Variants in PRKAR1A observed in about 807,000 individuals in gnomAD.
PRKAR1A encodes protein kinase cAMP-dependent type I regulatory subunit alpha, also known as cAMP-dependent protein kinase type I-alpha regulatory subunit.
PRKAR1A carries 3 observed loss-of-function variants against 52.0 expected under a neutral mutation model. That is an observed-to-expected ratio of 0.06 (90% CI 0.03 to 0.15). The LOEUF (loss-of-function observed/expected upper bound fraction) is 0.15, where lower values mean the gene tolerates loss of function less well. Among genes scored for constraint, PRKAR1A ranks in the 10% least tolerant of loss-of-function variants. PRKAR1A has a pLI of 1.00. For synonymous variants in PRKAR1A, 188 were observed against 168.4 expected (o/e 1.12, Z -0.90); for missense variants, 240 against 477.4 (o/e 0.50, Z 4.63).
intron 11 of PRKAR1A, among the ~76,000 whole-genome samples, chr17:68,544,958 G>T (rs890912215): frequency 3.9e-5 from 6 of 152,170 alleles, no homozygotes; most frequent in African/African-American, 1.4e-4. Flanking sequence ...ACTTTGAGAA[G>T]CACTAATGCA....
chr17:68,530,446 C>T lies in PRKAR1A; in HGVS notation c.1143C>T (p.Val381=). ...QQYNSFVSLS[V] is the part of the protein sequence containing the mutation. ...ACAACAGTTTTGTGTCACTGTCTGT[C>T]TGAAATCTGCCTCCTGTGCCTCCCT... Residue 381 remains valine, a synonymous_variant, in exon 11 of 11, where the codon GTC becomes GTT. Coordinates refer to ENST00000589228, the MANE Select transcript of PRKAR1A (RefSeq NM_002734.5). 2 of 1,614,104 alleles carry T rather than the reference C, an allele frequency of 1.2e-6. No homozygotes were observed. Among genetic ancestry groups the T allele is most frequent in the Non-Finnish European group, 1.7e-6 (2 of 1,179,952 alleles).
At chr17:68,483,283 C>T in the PRKAR1A span, among the ~76,000 whole-genome samples, 1 of 151,958 alleles carries the variant, frequency 6.6e-6, no homozygotes, top group African/African-American at 2.4e-5. Context: ...GTGTTCAAGA[C>T]CACCCTGGCC....
the PRKAR1A span, chr17:68,420,401 G>A: frequency 4.3e-6 from 7 of 1,613,988 alleles, no homozygotes; most frequent in Non-Finnish European, 5.9e-6. Flanking sequence ...TTACACTCAG[G>A]ACCCTTCAGT....
At chr17:68,496,998 A>G in the PRKAR1A span, among the ~76,000 whole-genome samples, 2 of 151,518 alleles carry the variant, frequency 1.3e-5, no homozygotes, top group Non-Finnish European at 2.9e-5. Context: ...CCATTTTTGT[A>G]TTTTTTGTGG....
At chr17:68,524,160 T>C (rs982218837) in intron 5 of PRKAR1A, 83 bp downstream of exon 5, 12 of 1,434,518 alleles carry the variant, frequency 8.4e-6, no homozygotes, top group Non-Finnish European at 1.2e-5. Context: ...TTATTGAAGT[T>C]TGTTTTCCTC....
the PRKAR1A span, among the ~76,000 whole-genome samples, chr17:68,476,124 A>G: frequency 2.2e-4 from 33 of 151,994 alleles, no homozygotes; most frequent in Non-Finnish European, 3.7e-4. Context: ...GTCTACTATA[A>G]TATAATATTT....
chr17:68,506,999 G>A (rs866379518), upstream of PRKAR1A, among the ~76,000 whole-genome samples: 1 of 152,102 alleles, frequency 6.6e-6, no homozygotes, highest in Non-Finnish European at 1.5e-5. Flanking sequence ...TTATTTCCTG[G>A]GGAGAAAGCC....
chr17:68,548,833 C>T (rs934933659), intron 11 of PRKAR1A, among the ~76,000 whole-genome samples: 3 of 148,148 alleles, frequency 2.0e-5, no homozygotes, highest in Non-Finnish European at 4.5e-5. Context: ...CCCGGGTTCA[C>T]GCCATTCTCC....
downstream of PRKAR1A, chr17:68,536,197 G>C (rs1477692465): frequency 6.6e-6 from 3 of 453,944 alleles, no homozygotes; most frequent in Admixed American, 2.3e-5. Context: ...AGACATTTCT[G>C]GTTCTTGACC....
At chr17:68,414,836 C>A in the PRKAR1A span, among the ~76,000 whole-genome samples, 1 of 152,044 alleles carries the variant, frequency 6.6e-6, no homozygotes, top group African/African-American at 2.4e-5. Flanking sequence ...TTCATAGTAG[C>A]CTTGAATGAT....
chr17:68,543,854 G>A (rs749161341), intron 11 of PRKAR1A: 6 of 781,802 alleles, frequency 7.7e-6, no homozygotes, highest in East Asian at 2.6e-5. Flanking sequence ...GCGATGGCAC[G>A]GCAAGTCAGG....
rs1491044139 is a variant in PRKAR1A at position 68,525,261 on chromosome 17, AGC to A, written c.549+304_549+305del. On this transcript the variant is annotated intron_variant, in intron 6 of 10. Coordinates refer to ENST00000589228, the MANE Select transcript of PRKAR1A (RefSeq NM_002734.5). ...TGCTTGAGCCCAGGAGTTCAAGACC[AGC>A]CTGGGCAACAAAGTGAAACCTCATC... Among the ~76,000 whole-genome samples the A allele has an allele frequency of 2.2e-4, 34 of 151,234 alleles. 1 individual carries two copies. The East Asian group carries it at 6.2e-3, about 28-fold the overall frequency.
At chr17:68,516,413 G>T (rs766911712) in intron 2 of PRKAR1A, among the ~76,000 whole-genome samples, 50 of 151,998 alleles carry the variant, frequency 3.3e-4, no homozygotes, top group Admixed American at 1.1e-3. Flanking sequence ...TGATTTTCTT[G>T]TGCATGTGGA....
intron 1 of PRKAR1A, among the ~76,000 whole-genome samples, chr17:68,513,926 C>A (rs890258786): frequency 6.6e-6 from 1 of 152,144 alleles, no homozygotes; most frequent in Admixed American, 6.6e-5. Context: ...CATGAAAGAT[C>A]TGATTTATGA....
At position 68,533,136 on chromosome 17, in the gene PRKAR1A, T is replaced by C. The variant is rs889635034; in HGVS notation, c.*2687T>C. 1 of 1,060,246 alleles carries C rather than the reference T, an allele frequency of 9.4e-7. No homozygotes were observed. Among genetic ancestry groups the C allele is most frequent in the African/African-American group, 1.6e-5 (1 of 60,914 alleles). The allele number at this position is 1,060,246 out of a possible 1,614,324, so 65.7% of individuals were successfully genotyped here. A position where few individuals can be genotyped will look rare whatever the true frequency, so the allele number is the denominator to read the frequency against. ...TACTCTTTGGTTTAAATTTAATATA[T>C]ACATTTAATGTTACTTAGGGATACT... On this transcript the variant is annotated 3_prime_UTR_variant, in exon 11 of 11. Transcript: ENST00000589228.
At chr17:68,533,717 ATCTG>A (rs962990039), downstream of PRKAR1A, among the ~76,000 whole-genome samples, 5 of 152,124 alleles carry the variant, frequency 3.3e-5, no homozygotes, top group Non-Finnish European at 5.9e-5. Flanking sequence ...GTACGTTTTT[ATCTG>A]TCTATTTGTC....
chr17:68,541,057 T>TG, intron 11 of PRKAR1A: 1 of 1,523,186 alleles, frequency 6.6e-7, no homozygotes, highest in Non-Finnish European at 8.8e-7. Flanking sequence ...CCTGCCTCCC[T>TG]GATCCTGCCC....
At chr17:68,498,845 A>G in the PRKAR1A span, among the ~76,000 whole-genome samples, 1 of 152,216 alleles carries the variant, frequency 6.6e-6, no homozygotes, top group Non-Finnish European at 1.5e-5. Flanking sequence ...TCTCTAAAGT[A>G]CAGGCCAATC....
chr17:68,527,546 C>T (rs765802605), intron 7 of PRKAR1A: 11 of 377,220 alleles, frequency 2.9e-5, no homozygotes, highest in African/African-American at 1.7e-4. Context: ...ACCGGTATTT[C>T]GACTGTATTT....
Sources: allele counts gnomAD v4.1 joint callset (sites outside exome capture counted in the v4.1 genomes callset), GRCh38; gene constraint gnomAD v4.1.1; transcripts MANE v1.5; gene names NCBI Gene and HGNC (gene_info 2026-07-23, HGNC 2026-07-21).